ASXL1: variants seen among roughly 807,000 people sequenced by gnomAD.
The protein encoded by ASXL1 is polycomb group protein ASXL1.
A neutral mutation model predicts 89.1 loss-of-function variants in ASXL1; 65 were observed. The ratio of observed to expected loss-of-function variants is 0.73; its 90% confidence interval spans 0.60 to 0.90. The LOEUF (loss-of-function observed/expected upper bound fraction) is 0.90, where lower values mean the gene tolerates loss of function less well. ASXL1 is among the 40% of genes least tolerant of loss of function. The pLI is 0.00. For missense variants in ASXL1, 1,786 were observed against 1,942.9 expected (o/e 0.92, Z 1.52); for synonymous variants, 739 against 746.9 (o/e 0.99, Z 0.17).
intron 4 of ASXL1, among the ~76,000 whole-genome samples, chr20:32,381,178 G>A (rs924209147): frequency 9.9e-5 from 15 of 152,122 alleles, no homozygotes; most frequent in African/African-American, 1.7e-4. Flanking sequence ...AGCTGGCTTC[G>A]GTAGTAGAAG....
At chr20:32,363,964 CT>C (rs1409439751) in intron 1 of ASXL1, among the ~76,000 whole-genome samples, 1 of 152,216 alleles carries the variant, frequency 6.6e-6, no homozygotes, top group Non-Finnish European at 1.5e-5. Context: ...TGAGCACCTA[CT>C]CTGTGCCAGA....
At chr20:32,369,304 T>C (rs1044766871) in intron 4 of ASXL1, among the ~76,000 whole-genome samples, 181 bp downstream of exon 4, 3 of 152,104 alleles carry the variant, frequency 2.0e-5, no homozygotes, top group African/African-American at 7.2e-5. Flanking sequence ...TGGAGTGCAA[T>C]GGGGCGAGAT....
chr20:32,410,818 C>CA (rs1344262651), intron 4 of ASXL1, among the ~76,000 whole-genome samples: 1 of 152,054 alleles, frequency 6.6e-6, no homozygotes, highest in Non-Finnish European at 1.5e-5. Context: ...CATTTGATGT[C>CA]AGGAGTTTGA....
chr20:32,429,523 A>C lies in ASXL1; in HGVS notation c.565+92A>C. The C allele has an allele frequency of 7.5e-7, 1 of 1,329,728 alleles. No individual in the cohort carries two copies. The highest frequency in any genetic ancestry group is 1.1e-6 in the Non-Finnish European group (1 of 927,214). 82.4% of individuals were successfully genotyped at this position (1,329,728 alleles called of 1,614,324 possible). A position where few individuals can be genotyped will look rare whatever the true frequency, so the allele number is the denominator to read the frequency against. Reference sequence around the variant, plus strand: ...GCAGTTTCTGACCTAATAGTGCGATACTAGGAGAGCTGTCGGGCCACAGGC... The same window carrying C: ...GCAGTTTCTGACCTAATAGTGCGATCCTAGGAGAGCTGTCGGGCCACAGGC... On this transcript the variant is annotated intron_variant, in intron 7 of 12. Transcript: ENST00000375687. The surrounding 1 kb of genome is among the most constrained non-coding windows in gnomAD (Gnocchi z 4.9).
chr20:32,367,588 A>AT (rs1192829901), intron 2 of ASXL1, 139 bp from the exon 3 acceptor site: 1 of 685,878 alleles, frequency 1.5e-6, no homozygotes, highest in East Asian at 2.6e-5. Context: ...GGGAGGGAAG[A>AT]TTGAGATTGT....
At position 32,435,080 on chromosome 20, in the gene ASXL1, G is replaced by A. The variant is rs748259651; in HGVS notation, c.2368G>A (p.Glu790Lys). The change falls in exon 13 of 13, where the codon GAG becomes AAG. Residue 790 changes from glutamate to lysine, a missense_variant. Physicochemically the swap from Glu to Lys is moderately conservative, Grantham distance 56. This residue lies in a region of ASXL1 where 1,418 missense variants were observed against 1,427.8 expected (regional missense o/e 0.99). Coordinates refer to ENST00000375687, the MANE Select transcript of ASXL1 (RefSeq NM_015338.6). ...GCATCCGGATGTTAGAACTGAATGT[G>A]AGTCTGGCACCACTTCCTGGGAAAG... Reference protein sequence around the residue: ...QLHPDVRTECESGTTSWESDD... With the variant: ...QLHPDVRTECKSGTTSWESDD... 3.1e-6 allele frequency: 5 copies of A among 1,614,092 alleles called. No homozygotes were observed. The Admixed American group carries it at 8.3e-5, about 27-fold the overall frequency.
At chr20:32,432,848 G>C in intron 10 of ASXL1, 32 bp from the exon 11 acceptor site, 1 of 1,611,590 alleles carries the variant, frequency 6.2e-7, no homozygotes, top group South Asian at 1.1e-5. Flanking sequence ...TATCCCGAAT[G>C]CACTTACTAG....
intron 4 of ASXL1, chr20:32,372,494 T>A: frequency 1.2e-6 from 1 of 842,770 alleles, no homozygotes; most frequent in Non-Finnish European, 1.5e-6. Flanking sequence ...TGTATTTTAT[T>A]AATTACCCAC....
chr20:32,436,009 C>T lies in ASXL1; in HGVS notation c.3297C>T (p.Ser1099=), dbSNP rs1228362478. Reference sequence around the variant, plus strand: ...CCGTGTGCCTGTCCATGCCTGGGTCCTCAGTGGAGGCCACTAACCCACTTG... The same window carrying T: ...CCGTGTGCCTGTCCATGCCTGGGTCTTCAGTGGAGGCCACTAACCCACTTG... ...PRAVCLSMPG[S]SVEATNPLVM... is the part of the protein sequence containing the mutation. Residue 1099 remains serine, a synonymous_variant, in exon 13 of 13, where the codon TCC becomes TCT. Transcript: ENST00000375687. 6.2e-7 allele frequency: 1 copy of T among 1,614,164 alleles called. No homozygotes were observed.
chr20:32,430,322 G>GTT, intron 8 of ASXL1: 1 of 434,172 alleles, frequency 2.3e-6, no homozygotes, highest in Non-Finnish European at 4.0e-6. Context: ...GTACTGCATA[G>GTT]TAAGTGTTTG....
intron 4 of ASXL1, among the ~76,000 whole-genome samples, chr20:32,399,512 T>G (rs2048831811): frequency 6.6e-6 from 1 of 151,260 alleles, no homozygotes; most frequent in South Asian, 2.1e-4. Context: ...TTTTTTTTTT[T>G]GGCCATTTTT....
chr20:32,436,072 G>C lies in ASXL1; in HGVS notation c.3360G>C (p.Lys1120Asn). ...QLLQGSLPLE[K>N]VLPPAHDDSM... ...TGCAGGGTAGCTTGCCCCTAGAGAA[G>C]GTTCTTCCACCAGCCCACGATGACA... The change falls in exon 13 of 13, where the codon AAG becomes AAC. Residue 1120 changes from lysine (K) to asparagine (N), a missense_variant. Physicochemically the swap from Lys to Asn is moderately conservative, Grantham distance 94. Coordinates refer to ENST00000375687, the MANE Select transcript of ASXL1 (RefSeq NM_015338.6). 6.2e-7 allele frequency: 1 copy of C among 1,614,178 alleles called. No homozygotes were observed. The highest frequency in any genetic ancestry group is 1.7e-5 in the Admixed American group (1 of 60,020).
intron 4 of ASXL1, among the ~76,000 whole-genome samples, chr20:32,408,667 C>T (rs1274823262): frequency 1.3e-5 from 2 of 152,194 alleles, no homozygotes; most frequent in Admixed American, 6.5e-5. Context: ...ATCCTCCTGC[C>T]TCAAGCTCCC....
At chr20:32,433,049 A>T in intron 11 of ASXL1, 64 bp downstream of exon 11, 1 of 1,598,100 alleles carries the variant, frequency 6.3e-7, no homozygotes, top group Non-Finnish European at 8.5e-7. Flanking sequence ...AGATGGTCTC[A>T]AAATAGCATA....
At chr20:32,398,615 GT>G (rs1358499355) in intron 4 of ASXL1, among the ~76,000 whole-genome samples, 1 of 80,810 alleles carries the variant, frequency 1.2e-5, no homozygotes, top group African/African-American at 4.3e-5. Context: ...TTTTTTTTTT[GT>G]TTTTTTTTTT....
chr20:32,431,244 C>G, intron 8 of ASXL1, 77 bp from the exon 9 acceptor site: 1 of 1,594,542 alleles, frequency 6.3e-7, no homozygotes, highest in Non-Finnish European at 8.6e-7. Flanking sequence ...GGTGCTGTCA[C>G]CAAAGTTTTC....
intron 4 of ASXL1, among the ~76,000 whole-genome samples, chr20:32,392,229 T>C (rs73243268): frequency 6.6e-6 from 1 of 151,782 alleles, no homozygotes; most frequent in African/African-American, 2.4e-5. Flanking sequence ...GTCATCTCAC[T>C]GCAGTCTCCC....
rs2011905725 is a variant in ASXL1 at position 32,436,609 on chromosome 20, C to G, written c.3897C>G (p.Gly1299=). 1 of 1,614,058 alleles carries G rather than the reference C, an allele frequency of 6.2e-7. No homozygotes were observed. Among genetic ancestry groups the G allele is most frequent in the Non-Finnish European group, 8.5e-7 (1 of 1,180,048 alleles). ...TGGGTGATCAGAGCAATGTTACAGG[C>G]CAAGGGAAGAAGCTTTTTGGCTCTG... is the stretch of plus-strand genomic sequence containing the variant. ...RALGDQSNVT[G]QGKKLFGSGN... Residue 1299 remains glycine (G), a synonymous_variant, in exon 13 of 13, where the codon GGC becomes GGG. Transcript: ENST00000375687.
chr20:32,385,891 C>G (rs376647643), intron 4 of ASXL1, among the ~76,000 whole-genome samples: 3 of 152,204 alleles, frequency 2.0e-5, no homozygotes, highest in Non-Finnish European at 4.4e-5. Flanking sequence ...GCCCTTCTTT[C>G]AGTAATTTGA....
Sources: allele counts gnomAD v4.1 joint callset (sites outside exome capture counted in the v4.1 genomes callset), GRCh38; gene constraint gnomAD v4.1.1; regional missense constraint gnomAD v4.1.1; non-coding constraint Gnocchi (gnomAD v3.1); transcripts MANE v1.5; gene names NCBI Gene and HGNC (gene_info 2026-07-23, HGNC 2026-07-21).